Variants in SLC4A4 observed in about 807,000 individuals in gnomAD.
SLC4A4 encodes electrogenic sodium bicarbonate cotransporter 1.
SLC4A4 carries 27 observed loss-of-function variants against 111.5 expected under a neutral mutation model. The observed-to-expected ratio is 0.24, with a 90% CI of 0.18 to 0.33. SLC4A4 has a LOEUF of 0.33. Ranked by LOEUF, SLC4A4 falls within the 10% of genes least tolerant of loss-of-function variation. The pLI is 1.00. For missense variants in SLC4A4, 909 were observed against 1,315.5 expected (o/e 0.69, Z 4.78); for synonymous variants, 443 against 463.4 (o/e 0.96, Z 0.57).
At chr4:71,385,847 T>A (rs1718665095) in intron 6 of SLC4A4, among the ~76,000 whole-genome samples, 3 of 152,164 alleles carry the variant, frequency 2.0e-5, no homozygotes, top group Admixed American at 2.0e-4. Flanking sequence ...ACGAGACTGA[T>A]TGCTTTCCAC....
chr4:71,323,156 A>T (rs1727248827), intron 3 of SLC4A4, among the ~76,000 whole-genome samples: 1 of 152,012 alleles, frequency 6.6e-6, no homozygotes, highest in African/African-American at 2.4e-5. Flanking sequence ...AAAAAACCTT[A>T]ATTGGCTTGT....
In SLC4A4 at chr4:71,557,665, A is replaced by G. The variant is rs767825617; in HGVS notation, c.2764-47A>G. ...TAGTGATTAGTTAGGCATAGTGGAA[A>G]TGTAATGCAGTAATGCAGTTGGACT... On this transcript the variant is annotated intron_variant, in intron 21 of 25. Coordinates refer to ENST00000264485, the MANE Select transcript of SLC4A4 (RefSeq NM_001098484.3). The G allele has an allele frequency of 1.5e-5, 23 of 1,576,158 alleles. No homozygotes were observed. In the African/African-American group the frequency reaches 3.0e-4, roughly 20 times the overall value.
intron 2 of SLC4A4, among the ~76,000 whole-genome samples, chr4:71,254,933 G>A (rs561442640): frequency 1.3e-5 from 2 of 152,204 alleles, no homozygotes; most frequent in East Asian, 3.9e-4. Context: ...CAAACATGAA[G>A]GATTCCTGAT....
At position 71,420,046 on chromosome 4, in the gene SLC4A4, G is replaced by A. The variant is rs1055742452; in HGVS notation, c.808-20570G>A. ...TCAGACGATCAAACAACGAGCTACCGGAGGAAATTCAAACCAAAGGCAAAG... is the reference window on the plus strand; with the variant it reads ...TCAGACGATCAAACAACGAGCTACCAGAGGAAATTCAAACCAAAGGCAAAG... On this transcript the variant is annotated intron_variant, in intron 7 of 25. Coordinates refer to ENST00000264485, the MANE Select transcript of SLC4A4 (RefSeq NM_001098484.3). 7.9e-5 allele frequency among the ~76,000 whole-genome samples: 12 copies of A among 152,294 alleles called. 1 individual carries two copies. Among genetic ancestry groups the A allele is most frequent in the African/African-American group, 2.6e-4 (11 of 41,564 alleles).
At chr4:71,383,835 T>C (rs143119840) in intron 6 of SLC4A4, among the ~76,000 whole-genome samples, 1 of 152,310 alleles carries the variant, frequency 6.6e-6, no homozygotes, top group Non-Finnish European at 1.5e-5. Context: ...TCTTTATGGA[T>C]CCATTAGGCC....
At chr4:71,515,986 G>A (rs1732341695) in intron 16 of SLC4A4, among the ~76,000 whole-genome samples, 1 of 150,382 alleles carries the variant, frequency 6.6e-6, no homozygotes, top group African/African-American at 2.4e-5. Flanking sequence ...TATATGTGAG[G>A]CTTCATTTCT....
At chr4:71,343,808 CT>C (rs1729086902) in intron 4 of SLC4A4, among the ~76,000 whole-genome samples, 1 of 152,042 alleles carries the variant, frequency 6.6e-6, no homozygotes, top group Non-Finnish European at 1.5e-5. Flanking sequence ...CCTTGTCTTC[CT>C]TTTCATTTCC....
At chr4:71,328,449 G>T (rs961664656) in intron 3 of SLC4A4, among the ~76,000 whole-genome samples, 1 of 151,986 alleles carries the variant, frequency 6.6e-6, no homozygotes, top group Admixed American at 6.6e-5. Context: ...AACAGTGTAT[G>T]AGCGTTCCCT....
intron 6 of SLC4A4, among the ~76,000 whole-genome samples, chr4:71,367,256 C>A (rs1220386685): frequency 1.3e-5 from 2 of 152,166 alleles, no homozygotes; most frequent in African/African-American, 4.8e-5. Flanking sequence ...AGAAGCAAGC[C>A]ATGGTATCAG....
At chr4:71,256,176 A>G (rs1392669031) in intron 3 of SLC4A4, among the ~76,000 whole-genome samples, 1 of 152,202 alleles carries the variant, frequency 6.6e-6, no homozygotes, top group Non-Finnish European at 1.5e-5. Flanking sequence ...ATTCCCCAAC[A>G]GGAGTTACAC....
At chr4:71,200,093 C>T (rs1290903129) in intron 1 of SLC4A4, among the ~76,000 whole-genome samples, 1 of 152,098 alleles carries the variant, frequency 6.6e-6, no homozygotes, top group Non-Finnish European at 1.5e-5. Context: ...AGGTGATTGT[C>T]TGGGGATGTG....
chr4:71,466,142 T>C (rs1157202939), intron 12 of SLC4A4, among the ~76,000 whole-genome samples: 2 of 152,130 alleles, frequency 1.3e-5, no homozygotes, highest in Admixed American at 1.3e-4. Flanking sequence ...AAGCTTCAGT[T>C]AGTATTTTAG....
intron 7 of SLC4A4, among the ~76,000 whole-genome samples, chr4:71,438,971 G>A (rs1446583849): frequency 6.6e-6 from 1 of 151,366 alleles, no homozygotes; most frequent in Non-Finnish European, 1.5e-5. Flanking sequence ...GTATCAGGAT[G>A]CATTCTATTT....
At chr4:71,491,528 G>A (rs1448640206) in intron 15 of SLC4A4, among the ~76,000 whole-genome samples, 2 of 151,774 alleles carry the variant, frequency 1.3e-5, no homozygotes, top group Non-Finnish European at 2.9e-5. Context: ...TCATTGGCGT[G>A]TCTTAATTTC....
chr4:71,067,803 C>T lies in SLC4A4; in HGVS notation c.-65+5015C>T, dbSNP rs942837084. ...TCACTTTGCTGCCCAGTCTAGAGTGCGCTGGTATGATCATAGCTCACCGCA... is the reference window on the plus strand; with the variant it reads ...TCACTTTGCTGCCCAGTCTAGAGTGTGCTGGTATGATCATAGCTCACCGCA... On this transcript the variant is annotated intron_variant, in intron 1 of 26. Transcript: ENST00000649996. 5.3e-5 allele frequency among the ~76,000 whole-genome samples: 8 copies of T among 151,410 alleles called. No homozygotes were observed. The South Asian group carries it at 8.3e-4, about 16-fold the overall frequency.
At chr4:71,554,544 T>G (rs1736298603) in intron 20 of SLC4A4, among the ~76,000 whole-genome samples, 1 of 151,896 alleles carries the variant, frequency 6.6e-6, no homozygotes, top group Non-Finnish European at 1.5e-5. Flanking sequence ...TCCATGTGTG[T>G]AATTAATTGC....
chr4:71,108,633 C>A (rs918491476), intron 2 of SLC4A4, among the ~76,000 whole-genome samples: 6 of 152,098 alleles, frequency 3.9e-5, no homozygotes, highest in African/African-American at 1.4e-4. Flanking sequence ...CTGAGTTTAA[C>A]CTAGTTGGAG....
At chr4:71,338,919 AGGGT>A in intron 3 of SLC4A4, 1 of 330,362 alleles carries the variant, frequency 3.0e-6, no homozygotes, top group Non-Finnish European at 4.6e-6. Flanking sequence ...GGACAGAGGG[AGGGT>A]GGGTGGGAGG....
chr4:71,096,651 G>A (rs1263982994), intron 2 of SLC4A4, among the ~76,000 whole-genome samples: 2 of 152,140 alleles, frequency 1.3e-5, no homozygotes, highest in Admixed American at 6.5e-5. Context: ...TTTGCTGCGA[G>A]TTCCAATATG....
Sources: gnomAD v4.1 joint callset for allele counts (sites outside exome capture counted in the v4.1 genomes callset) on GRCh38, gnomAD v4.1.1 for gene constraint, MANE v1.5 for transcripts, NCBI Gene and HGNC (gene_info 2026-07-23, HGNC 2026-07-21) for gene names.